ZNG1F: variants seen among roughly 807,000 people sequenced by gnomAD.
ZNG1F encodes the protein Zn regulated GTPase metalloprotein activator 1F.
At chr9:41,193,320 G>A in the ZNG1F span, among the ~76,000 whole-genome samples, 1 of 134,440 alleles carries the variant, frequency 7.4e-6, no homozygotes, top group African/African-American at 2.8e-5. Flanking sequence ...GAGAGCAAAT[G>A]TCTACAAGTT....
At chr9:41,200,727 C>A in the ZNG1F span, among the ~76,000 whole-genome samples, 2 of 152,240 alleles carry the variant, frequency 1.3e-5, no homozygotes, top group Admixed American at 6.6e-5. Flanking sequence ...TTCCACATGG[C>A]TGGGGAGGCC....
chr9:41,160,516 G>A, the ZNG1F span, among the ~76,000 whole-genome samples: 19,482 of 125,092 alleles, frequency 0.16, 2,053 homozygotes, highest in African/African-American at 0.26. Flanking sequence ...TCCGCCTCCC[G>A]GGTTCACGCC....
chr9:41,150,402 GC>G, the ZNG1F span, among the ~76,000 whole-genome samples: 1 of 143,366 alleles, frequency 7.0e-6, no homozygotes, highest in Non-Finnish European at 1.5e-5. Flanking sequence ...GGGGAGGGGC[GC>G]CCGCCATTGC....
the ZNG1F span, among the ~76,000 whole-genome samples, chr9:41,173,985 G>T: frequency 6.7e-6 from 1 of 149,046 alleles, no homozygotes; most frequent in Non-Finnish European, 1.5e-5. Flanking sequence ...ACTTTGGGAG[G>T]CCAAGGCTGG....
chr9:41,204,992 G>T, the ZNG1F span, among the ~76,000 whole-genome samples: 2 of 149,318 alleles, frequency 1.3e-5, no homozygotes, highest in African/African-American at 4.9e-5. Flanking sequence ...TCTCCTTTTC[G>T]TATGTTCAGA....
At chr9:41,193,779 AGTCC>A in the ZNG1F span, among the ~76,000 whole-genome samples, 1,313 of 151,592 alleles carry the variant, frequency 8.7e-3, 2 homozygotes, top group African/African-American at 0.028. Context: ...ACACGCCTGT[AGTCC>A]CAGCTACTTG....
At chr9:41,202,782 A>G in the ZNG1F span, among the ~76,000 whole-genome samples, 1 of 144,092 alleles carries the variant, frequency 6.9e-6, no homozygotes, top group East Asian at 2.0e-4. Context: ...TACTATCACT[A>G]CCATGTTCAA....
At chr9:41,173,523 AATAT>A in the ZNG1F span, among the ~76,000 whole-genome samples, 1 of 147,190 alleles carries the variant, frequency 6.8e-6, no homozygotes, top group Non-Finnish European at 1.5e-5. Context: ...GAAAGTTTCT[AATAT>A]ATTTTAAATG....
the ZNG1F span, among the ~76,000 whole-genome samples, chr9:41,159,117 G>A: frequency 6.6e-6 from 1 of 150,484 alleles, no homozygotes. Context: ...AGAGGGTTTT[G>A]GCTCTCCTCG....
chr9:41,185,580 G>A, the ZNG1F span, among the ~76,000 whole-genome samples: 1 of 150,946 alleles, frequency 6.6e-6, no homozygotes, highest in Admixed American at 6.6e-5. Context: ...GGCTGAGGCA[G>A]GAGAATCACT....
At chr9:41,178,660 G>A in the ZNG1F span, among the ~76,000 whole-genome samples, 5 of 24,058 alleles carry the variant, frequency 2.1e-4, no homozygotes, top group African/African-American at 6.0e-4. Flanking sequence ...TCCGCCTCCC[G>A]GGTTCAAGCC....
At chr9:41,173,896 C>A in the ZNG1F span, among the ~76,000 whole-genome samples, 1 of 148,212 alleles carries the variant, frequency 6.7e-6, no homozygotes, top group African/African-American at 2.5e-5. Context: ...TATGAATGAA[C>A]AACAATAAGC....
the ZNG1F span, among the ~76,000 whole-genome samples, chr9:41,152,579 C>T: frequency 7.0e-6 from 1 of 143,224 alleles, no homozygotes; most frequent in Non-Finnish European, 1.5e-5. Flanking sequence ...ACACCTATTC[C>T]AAAATTGACC....
At chr9:41,185,724 T>G in the ZNG1F span, among the ~76,000 whole-genome samples, 1 of 147,494 alleles carries the variant, frequency 6.8e-6, no homozygotes, top group Non-Finnish European at 1.5e-5. Flanking sequence ...GTCTAGATTT[T>G]TACTTCTGGA....
chr9:41,139,895 T>G, the ZNG1F span, among the ~76,000 whole-genome samples: 1 of 152,042 alleles, frequency 6.6e-6, no homozygotes, highest in Non-Finnish European at 1.5e-5. Flanking sequence ...TCCACTAATA[T>G]CAGGTGTCTA....
At chr9:41,183,656 A>G in the ZNG1F span, 1 of 1,605,654 alleles carries the variant, frequency 6.2e-7, no homozygotes, top group Non-Finnish European at 8.5e-7. Context: ...TCTCCAGCGC[A>G]CTTCCTAGAA....
chr9:41,139,576 T>C, the ZNG1F span, among the ~76,000 whole-genome samples: 2 of 150,568 alleles, frequency 1.3e-5, no homozygotes, highest in Non-Finnish European at 3.0e-5. Context: ...CTGTTACTAG[T>C]AATAGGAAAA....
chr9:41,154,666 A>C, the ZNG1F span, among the ~76,000 whole-genome samples: 26 of 148,378 alleles, frequency 1.8e-4, 1 homozygote, highest in South Asian at 5.6e-3. Context: ...GATATAGATC[A>C]ATGGAACAGA....
At chr9:41,201,871 AG>A in the ZNG1F span, among the ~76,000 whole-genome samples, 1 of 150,966 alleles carries the variant, frequency 6.6e-6, no homozygotes. Context: ...AAAGGTGAAA[AG>A]TTCATCTACA....
Sources: allele counts gnomAD v4.1 joint callset (sites outside exome capture counted in the v4.1 genomes callset), GRCh38; gene constraint gnomAD v4.1.1; transcripts MANE v1.5; gene names NCBI Gene and HGNC (gene_info 2026-07-23, HGNC 2026-07-21).